Variants in DCAF16 observed in about 807,000 individuals in gnomAD.
DCAF16 encodes DDB1- and CUL4-associated factor 16.
A neutral mutation model predicts 17.3 loss-of-function variants in DCAF16; 10 were observed. The ratio of observed to expected loss-of-function variants is 0.58; its 90% CI spans 0.36 to 0.98. DCAF16 has a LOEUF of 0.98. Ranked by LOEUF, DCAF16 falls within the 50% of genes least tolerant of loss-of-function variation. The pLI is 0.01. For missense variants in DCAF16, 249 were observed against 247.6 expected, an observed-to-expected ratio of 1.01 and a Z score of -0.04; for synonymous variants, 111 against 92.8, an observed-to-expected ratio of 1.20 and a Z score of -1.12.
At chr4:17,799,445 G>C (rs951867553), downstream of DCAF16, among the ~76,000 whole-genome samples, 2 of 152,226 alleles carry the variant, frequency 1.3e-5, no homozygotes, top group African/African-American at 2.4e-5. Flanking sequence ...GTCTGCACTA[G>C]AGTAGGCACT....
rs776812992 is a variant in DCAF16, at chr4:17,803,539, G to A, written c.603C>T (p.Tyr201=). The A allele has an allele frequency of 1.2e-6, 2 of 1,614,188 alleles. No homozygotes were observed. Among genetic ancestry groups the A allele is most frequent in the Non-Finnish European group, 1.7e-6 (2 of 1,179,998 alleles). The change falls in exon 3 of 3, where the codon TAC becomes TAT. Residue 201 remains tyrosine, a synonymous_variant. Transcript: ENST00000382247. ...RTEPINTTYS[Y]TDFQKAVNKL... ...TGTTAACTGCCTTTTGGAAGTCAGT[G>A]TAAGAATAAGTAGTGTTGATGGGTT...
chr4:17,809,432 T>A (rs1720648689), intron 1 of DCAF16: 1 of 152,172 alleles, frequency 6.6e-6, no homozygotes, highest in African/African-American at 2.4e-5. Context: ...TAGTACAATA[T>A]CCTCATTCAG....
rs1263047989 is a variant in DCAF16 at position 17,803,544 on chromosome 4, A to C, written c.598T>G (p.Ser200Ala). 6.2e-7 allele frequency: 1 copy of C among 1,614,206 alleles called. No homozygotes were observed. The highest frequency in any genetic ancestry group is 2.2e-5 in the East Asian group (1 of 44,880). ...TRTEPINTTYSYTDFQKAVNK... is the reference protein window; with the variant it reads ...TRTEPINTTYAYTDFQKAVNK... ...ACTGCCTTTTGGAAGTCAGTGTAAG[A>C]ATAAGTAGTGTTGATGGGTTCAGTA... The change falls in exon 3 of 3, where the codon TCT becomes GCT. Residue 200 changes from serine (S) to alanine (A), a missense_variant. Physicochemically the swap from Ser to Ala is moderately conservative, Grantham distance 99 (BLOSUM62 1). Transcript: ENST00000382247.
chr4:17,809,453 A>C (rs1330421673), intron 1 of DCAF16: 1 of 152,246 alleles, frequency 6.6e-6, no homozygotes, highest in African/African-American at 2.4e-5. Flanking sequence ...GGATTTATTC[A>C]TGTCATTAAT....
Position 17,803,799 on chromosome 4 carries a change from G to A in DCAF16, c.343C>T (p.Pro115Ser), listed in dbSNP as rs1720031746. 1 of 1,614,202 alleles carries A rather than the reference G, an allele frequency of 6.2e-7. No individual in the cohort carries two copies. Residue 115 changes from proline to serine, a missense_variant, in exon 3 of 3, where the codon CCT becomes TCT. Coordinates refer to ENST00000382247, the MANE Select transcript of DCAF16 (RefSeq NM_017741.4). ...GGTGGGACTCCACAAGAGGCCAGAG[G>A]GGGCCATTCAGGAATTGGTTCCAGT... ...PKLEPIPEWP[P>S]LASCGVPPFQ...
Position 17,800,920 on chromosome 4 carries a change from C to T in DCAF16, c.*2571G>A, listed in dbSNP as rs1342896298. 1 of 152,454 alleles carries T rather than the reference C, an allele frequency of 6.6e-6. No homozygotes were observed. Among genetic ancestry groups the T allele is most frequent in the Non-Finnish European group, 1.5e-5 (1 of 68,014 alleles). 9.4% of individuals were successfully genotyped at this position (152,454 alleles called of 1,614,324 possible). On this transcript the variant is annotated 3_prime_UTR_variant, in exon 3 of 3. Coordinates refer to ENST00000382247, the MANE Select transcript of DCAF16 (RefSeq NM_017741.4). ...TTTTAGAAACCAGTTTCACAGAATACCTACATAGGAACAATTTCTGATACA... is the reference window on the plus strand; with the variant it reads ...TTTTAGAAACCAGTTTCACAGAATATCTACATAGGAACAATTTCTGATACA...
chr4:17,794,428 A>G, the DCAF16 span, among the ~76,000 whole-genome samples: 1 of 152,114 alleles, frequency 6.6e-6, no homozygotes, highest in Admixed American at 6.5e-5. Flanking sequence ...TCATGTTGGC[A>G]CTCAAAAAGT....
At chr4:17,809,141 T>G (rs1252243031) in intron 1 of DCAF16, among the ~76,000 whole-genome samples, 2 of 152,218 alleles carry the variant, frequency 1.3e-5, no homozygotes, top group Admixed American at 1.3e-4. Flanking sequence ...TTTGAGGAAT[T>G]AAGCAGGAGA....
the DCAF16 span, among the ~76,000 whole-genome samples, chr4:17,794,228 A>G: frequency 6.6e-6 from 1 of 152,156 alleles, no homozygotes; most frequent in East Asian, 1.9e-4. Context: ...ACTTTTTCAG[A>G]TTTTGGAATA....
At chr4:17,795,210 C>T in the DCAF16 span, among the ~76,000 whole-genome samples, 109 of 152,294 alleles carry the variant, frequency 7.2e-4, no homozygotes, top group African/African-American at 2.4e-3. Context: ...ATAGTCTTTC[C>T]GCATCCAGTG....
At chr4:17,809,078 T>C (rs899618550) in intron 1 of DCAF16, among the ~76,000 whole-genome samples, 3 of 152,156 alleles carry the variant, frequency 2.0e-5, no homozygotes, top group African/African-American at 7.2e-5. Context: ...AGCAAAATTA[T>C]GGGCAACACA....
chr4:17,800,007 C>T (rs918267460), downstream of DCAF16, among the ~76,000 whole-genome samples: 10 of 151,942 alleles, frequency 6.6e-5, no homozygotes, highest in Non-Finnish European at 1.5e-4. Context: ...ATTAGCTGGG[C>T]GTGGTGGCAC....
chr4:17,794,096 T>C, the DCAF16 span, among the ~76,000 whole-genome samples: 12 of 152,176 alleles, frequency 7.9e-5, no homozygotes, highest in African/African-American at 2.9e-4. Context: ...CATATCTTGA[T>C]AGCAAAAATA....
At chr4:17,807,730 T>C (rs1426910873) in intron 1 of DCAF16, among the ~76,000 whole-genome samples, 2 of 152,248 alleles carry the variant, frequency 1.3e-5, no homozygotes, top group East Asian at 1.9e-4. Context: ...TACAGCAACA[T>C]GGGTGGCCTT....
intron 1 of DCAF16, among the ~76,000 whole-genome samples, chr4:17,806,132 T>TC (rs545179942): frequency 1.3e-5 from 2 of 152,206 alleles, no homozygotes; most frequent in Non-Finnish European, 2.9e-5. Context: ...ACAGATGATA[T>TC]CATCCAATTT....
the DCAF16 span, among the ~76,000 whole-genome samples, chr4:17,793,589 G>A: frequency 6.6e-6 from 1 of 152,080 alleles, no homozygotes; most frequent in African/African-American, 2.4e-5. Flanking sequence ...GCTGAAAGAA[G>A]CCAGGCATAA....
rs758479697 is a variant in DCAF16 at position 17,804,188 on chromosome 4, C to A, written c.-47G>T. 1 of 1,466,210 alleles carries A rather than the reference C, an allele frequency of 6.8e-7. No homozygotes were observed. Among genetic ancestry groups the A allele is most frequent in the Non-Finnish European group, 9.3e-7 (1 of 1,072,358 alleles). 90.8% of individuals were successfully genotyped at this position (1,466,210 alleles called of 1,614,324 possible). A position where few individuals can be genotyped will look rare whatever the true frequency, so the allele number is the denominator to read the frequency against. ...ACCAGAAAAAGGTAATAATCTAAGC[C>A]AGCAGAACACTGACTAACACTGGCA... is the stretch of plus-strand genomic sequence containing the variant. On this transcript the variant is annotated 5_prime_UTR_variant, in exon 3 of 3. Transcript: ENST00000382247.
chr4:17,794,636 T>C, the DCAF16 span, among the ~76,000 whole-genome samples: 1,023 of 152,292 alleles, frequency 6.7e-3, 16 homozygotes, highest in African/African-American at 0.024. Context: ...GAAAACAAAT[T>C]GAAAAACTTT....
In DCAF16 at chr4:17,803,871, G is replaced by A. The variant is rs772452250; in HGVS notation, c.271C>T (p.Arg91Ter). 16 of 1,614,040 alleles carry A rather than the reference G, an allele frequency of 9.9e-6. No individual in the cohort carries two copies. The East Asian group carries it at 1.1e-4, about 11-fold the overall frequency. ...TGGGAGAGTCTTAGACCTATCTCTC[G>A]AAGTATATGGACTGGTGTGCTTGGA... ...LDPSTPVHIL[R>*]EIGLRLSHCS... The change falls in exon 3 of 3, where the codon CGA becomes TGA. Residue 91 changes from arginine to a stop codon, truncating the protein, a stop_gained. Transcript: ENST00000382247. LOFTEE classifies it high-confidence loss of function.
Sources: gnomAD v4.1 joint callset for allele counts (sites outside exome capture counted in the v4.1 genomes callset) on GRCh38, gnomAD v4.1.1 for gene constraint, MANE v1.5 for transcripts, NCBI Gene and HGNC (gene_info 2026-07-23, HGNC 2026-07-21) for gene names.